BBS9: variants seen among roughly 807,000 people sequenced by gnomAD.
BBS9 encodes protein PTHB1.
BBS9 carries 89 observed loss-of-function variants against 117.7 expected under a neutral mutation model. The ratio of observed to expected loss-of-function variants is 0.76; its 90% CI spans 0.64 to 0.90. The LOEUF (loss-of-function observed/expected upper bound fraction) is 0.90, where lower values mean the gene tolerates loss of function less well. BBS9 is among the 40% of genes least tolerant of loss of function. BBS9 has a pLI of 0.00. For synonymous variants in BBS9, 379 were observed against 370.9 expected (o/e 1.02, Z -0.25); for missense variants, 982 against 1,042.2 (o/e 0.94, Z 0.80).
At chr7:33,364,502 T>G (rs1821270399) in intron 16 of BBS9, among the ~76,000 whole-genome samples, 1 of 152,000 alleles carries the variant, frequency 6.6e-6, no homozygotes, top group South Asian at 2.1e-4. Context: ...CCTTTCTTCT[T>G]TCCTTTCATT....
At chr7:33,610,662 C>T (rs1864811105), downstream of BBS9, among the ~76,000 whole-genome samples, 1 of 152,094 alleles carries the variant, frequency 6.6e-6, no homozygotes, top group Non-Finnish European at 1.5e-5. Context: ...TTCGACACGA[C>T]TTTTGGAGGG....
At chr7:33,577,373 A>T (rs1859090224) in intron 21 of BBS9, among the ~76,000 whole-genome samples, 1 of 152,220 alleles carries the variant, frequency 6.6e-6, no homozygotes, top group African/African-American at 2.4e-5. Flanking sequence ...CGCCAGTTAG[A>T]ATGGCGATCG....
intron 5 of BBS9, among the ~76,000 whole-genome samples, chr7:33,194,805 G>GT: frequency 6.6e-6 from 1 of 152,278 alleles, no homozygotes; most frequent in South Asian, 2.1e-4. Context: ...GTTTCCTGGA[G>GT]TTTGATTATC....
chr7:33,333,775 C>A (rs1199791868), intron 9 of BBS9, among the ~76,000 whole-genome samples: 3 of 151,966 alleles, frequency 2.0e-5, no homozygotes, highest in Non-Finnish European at 4.4e-5. Flanking sequence ...CCACACCTGG[C>A]TAATTTTTGT....
intron 4 of BBS9, among the ~76,000 whole-genome samples, chr7:33,156,396 A>G (rs976087665): frequency 6.6e-6 from 1 of 152,140 alleles, no homozygotes; most frequent in Non-Finnish European, 1.5e-5. Flanking sequence ...GGGTATGAGA[A>G]AACTAAGTGT....
intron 21 of BBS9, among the ~76,000 whole-genome samples, chr7:33,612,330 A>G (rs1864923838): frequency 6.6e-6 from 1 of 152,094 alleles, no homozygotes; most frequent in South Asian, 2.1e-4. Flanking sequence ...CTTTAATCAC[A>G]TGAGGATGGA....
intron 21 of BBS9, among the ~76,000 whole-genome samples, chr7:33,560,134 A>C (rs963969301): frequency 3.9e-5 from 6 of 152,142 alleles, no homozygotes; most frequent in African/African-American, 1.2e-4. Context: ...AGGATAGTGC[A>C]TGTGTTTTGT....
At chr7:33,436,045 AG>A in intron 19 of BBS9, among the ~76,000 whole-genome samples, 1 of 152,136 alleles carries the variant, frequency 6.6e-6, no homozygotes, top group Non-Finnish European at 1.5e-5. Context: ...ACGTATTTGT[AG>A]TCTTTTTTGT....
intron 17 of BBS9, among the ~76,000 whole-genome samples, chr7:33,370,006 T>A (rs758954683): frequency 6.6e-6 from 1 of 152,208 alleles, no homozygotes; most frequent in Admixed American, 6.5e-5. Flanking sequence ...TGCTTGGTAA[T>A]CAACCAAGCC....
chr7:33,353,301 G>A (rs563399622), intron 15 of BBS9, among the ~76,000 whole-genome samples: 1 of 152,190 alleles, frequency 6.6e-6, no homozygotes, highest in African/African-American at 2.4e-5. Context: ...TGATAAGAAT[G>A]GTGTGTGTGT....
chr7:33,570,994 A>G (rs1585302949), intron 21 of BBS9, among the ~76,000 whole-genome samples: 2 of 152,202 alleles, frequency 1.3e-5, no homozygotes, highest in African/African-American at 4.8e-5. Context: ...AAGGGACATT[A>G]GTGGAAAAAC....
intron 9 of BBS9, among the ~76,000 whole-genome samples, chr7:33,294,290 CATCTATCTATCT>C (rs57892221): frequency 0.17 from 24,150 of 141,068 alleles, 2,137 homozygotes; most frequent in Middle Eastern, 0.22. Flanking sequence ...ATCTATCTAT[CATCTATCTATCT>C]ATCTATCTAT....
intron 19 of BBS9, among the ~76,000 whole-genome samples, chr7:33,484,264 C>T (rs1241831935): frequency 6.6e-6 from 1 of 152,100 alleles, no homozygotes; most frequent in African/African-American, 2.4e-5. Context: ...AAGTAGATTT[C>T]TCAAAAGCCT....
At chr7:33,514,811 A>G (rs559035706) in intron 20 of BBS9, among the ~76,000 whole-genome samples, 18 of 152,320 alleles carry the variant, frequency 1.2e-4, no homozygotes, top group African/African-American at 4.3e-4. Context: ...GTTCTTAATT[A>G]CTGATATCCT....
At chr7:33,591,862 G>A (rs755862208) in intron 21 of BBS9, among the ~76,000 whole-genome samples, 6 of 149,862 alleles carry the variant, frequency 4.0e-5, no homozygotes, top group South Asian at 2.1e-4. Flanking sequence ...CCTGGCCGTC[G>A]TCGCCATCAT....
At chr7:33,168,924 A>G (rs1796102029) in intron 4 of BBS9, among the ~76,000 whole-genome samples, 1 of 151,988 alleles carries the variant, frequency 6.6e-6, no homozygotes, top group Non-Finnish European at 1.5e-5. Context: ...CTCATCATCT[A>G]GCATTAGGTA....
intron 4 of BBS9, among the ~76,000 whole-genome samples, chr7:33,166,028 T>C (rs1795623758): frequency 6.6e-6 from 1 of 152,180 alleles, no homozygotes; most frequent in Non-Finnish European, 1.5e-5. Flanking sequence ...TGGGTGTGGA[T>C]GTCCTTTTTG....
chr7:33,465,709 A>T (rs1840065838), intron 19 of BBS9, among the ~76,000 whole-genome samples: 1 of 152,090 alleles, frequency 6.6e-6, no homozygotes, highest in African/African-American at 2.4e-5. Context: ...CTCATTTTGT[A>T]AGGTTATTGT....
chr7:33,483,897 C>T (rs1436377541), intron 19 of BBS9, among the ~76,000 whole-genome samples: 2 of 152,184 alleles, frequency 1.3e-5, no homozygotes, highest in African/African-American at 4.8e-5. Flanking sequence ...CTTTGACTCC[C>T]AAAATGTTGG....
Sources: gnomAD v4.1 joint callset for allele counts (sites outside exome capture counted in the v4.1 genomes callset) on GRCh38, gnomAD v4.1.1 for gene constraint, MANE v1.5 for transcripts, NCBI Gene and HGNC (gene_info 2026-07-23, HGNC 2026-07-21) for gene names.